The following APLP2 variants were observed in gnomAD, a reference collection of about 807,000 sequenced individuals.
The protein encoded by APLP2 is CDEI box-binding protein.
In APLP2, 53 loss-of-function variants were observed where a neutral mutation model predicts 89.9. The ratio of observed to expected loss-of-function variants is 0.59; its 90% CI spans 0.47 to 0.74. The LOEUF (loss-of-function observed/expected upper bound fraction) is 0.74. Among genes scored for constraint, APLP2 ranks in the 30% least tolerant of loss-of-function variants. The probability of loss-of-function intolerance (pLI) is 0.00; values close to 1 mark genes in which losing one functional copy is unlikely to be tolerated. For synonymous variants in APLP2, 372 were observed against 348.6 expected, an observed-to-expected ratio of 1.07 and a Z score of -0.75; for missense variants, 973 against 975.9, an observed-to-expected ratio of 1.00 and a Z score of 0.04.
chr11:130,109,269 T>C, intron 1 of APLP2, 160 bp from the exon 2 acceptor site: 2 of 565,458 alleles, frequency 3.5e-6, no homozygotes, highest in Non-Finnish European at 5.5e-6. Flanking sequence ...AGTCACTTTT[T>C]ATTCTGTTCT....
chr11:130,102,947 G>C (rs952922162), intron 1 of APLP2, among the ~76,000 whole-genome samples: 1 of 152,196 alleles, frequency 6.6e-6, no homozygotes, highest in African/African-American at 2.4e-5. Flanking sequence ...AGCCTTAAAA[G>C]TGCTGCAGTA....
intron 1 of APLP2, among the ~76,000 whole-genome samples, chr11:130,085,280 T>C (rs1943927481): frequency 6.6e-6 from 1 of 152,016 alleles, no homozygotes; most frequent in Non-Finnish European, 1.5e-5. Flanking sequence ...CGAAACGCCG[T>C]CTCTACTAAA....
rs75552207 is a variant in APLP2, at chr11:130,136,532, T to C, written c.1837+817T>C. Among the ~76,000 whole-genome samples the C allele has an allele frequency of 8.3e-3, 1,270 of 152,210 alleles. 16 individuals are homozygous for C. Among genetic ancestry groups the C allele is most frequent in the African/African-American group, 0.029 (1,212 of 41,526 alleles). On this transcript the variant is annotated intron_variant, in intron 13 of 16. Coordinates refer to ENST00000338167, the MANE Select transcript of APLP2 (RefSeq NM_001142276.2). The stretch of plus-strand genomic sequence containing the variant: ...GGAGAGTCAGGGGTCGAATCCAAGC[T>C]GATCTGGTCCTGCAGTCACAGACCT...
intron 13 of APLP2, chr11:130,137,219 A>G (rs746338845): frequency 1.3e-6 from 2 of 1,595,286 alleles, no homozygotes; most frequent in Non-Finnish European, 1.7e-6. Context: ...CTTTTGTGCT[A>G]TTTTATTTTG....
chr11:130,128,984 G>A, intron 9 of APLP2, 64 bp from the exon 10 acceptor site: 1 of 1,553,124 alleles, frequency 6.4e-7, no homozygotes, highest in East Asian at 2.3e-5. Flanking sequence ...GGGGTCTCAG[G>A]GTGCTTGCTT....
At chr11:130,118,076 CAA>C (rs71061363) in intron 3 of APLP2, among the ~76,000 whole-genome samples, 23 of 94,454 alleles carry the variant, frequency 2.4e-4, no homozygotes, top group East Asian at 1.7e-3. Flanking sequence ...GACTCCATCT[CAA>C]AAAAAAAAAA....
At position 130,123,520 on chromosome 11, in the gene APLP2, C is replaced by G. The variant is rs1156915875; in HGVS notation, c.923-92C>G. 5 of 1,393,454 alleles carry G rather than the reference C, an allele frequency of 3.6e-6. No individual in the cohort carries two copies. Among genetic ancestry groups the G allele is most frequent in the Non-Finnish European group, 4.9e-6 (5 of 1,026,174 alleles). The allele number at this position is 1,393,454 out of a possible 1,614,324, so 86.3% of individuals were successfully genotyped here. ...GCTCCGTCCAGTCTCAGGCCTCCCC[C>G]AGCCCATCCCCCAGCTCGCCAGCCT... is the stretch of plus-strand genomic sequence containing the variant. On this transcript the variant is annotated intron_variant, in intron 6 of 16. Transcript: ENST00000338167. This position sits in a 1 kb window ranked among gnomAD's most constrained non-coding sequence, Gnocchi z 4.0.
At chr11:130,085,102 A>G (rs11532037) in intron 1 of APLP2, among the ~76,000 whole-genome samples, 15,350 of 152,286 alleles carry the variant, frequency 0.1, 1,185 homozygotes, top group African/African-American at 0.21. Flanking sequence ...TCATGAAGAA[A>G]TAGAAAACTT....
At chr11:130,080,846 G>A (rs1012418128) in intron 1 of APLP2, among the ~76,000 whole-genome samples, 48 of 151,378 alleles carry the variant, frequency 3.2e-4, no homozygotes, top group African/African-American at 1.1e-3. Context: ...ACAGGTGCCC[G>A]CCACCGTGCC....
chr11:130,091,242 G>A (rs1321347270), intron 1 of APLP2, among the ~76,000 whole-genome samples: 68 of 126,402 alleles, frequency 5.4e-4, no homozygotes, highest in Non-Finnish European at 6.7e-4. Flanking sequence ...CCTCCCTCCC[G>A]CACGGGGCGG....
intron 3 of APLP2, among the ~76,000 whole-genome samples, chr11:130,119,452 G>A (rs769316834): frequency 6.0e-4 from 92 of 152,256 alleles, no homozygotes; most frequent in Admixed American, 9.8e-4. Context: ...AAGAGACGAT[G>A]ATACCGTTCA....
intron 1 of APLP2, among the ~76,000 whole-genome samples, chr11:130,090,269 A>T (rs4466843): frequency 0.13 from 10,316 of 82,130 alleles, 896 homozygotes; most frequent in African/African-American, 0.36. Flanking sequence ...TTTTTTTTTT[A>T]AATTTATTTT....
chr11:130,121,577 G>A (rs767371773), intron 4 of APLP2, 37 bp from the exon 5 acceptor site: 26 of 1,577,204 alleles, frequency 1.6e-5, no homozygotes, highest in Non-Finnish European at 2.2e-5. Flanking sequence ...CGTTTACTCT[G>A]GAGTATGTTC....
At chr11:130,115,914 A>G (rs1161714823) in intron 3 of APLP2, among the ~76,000 whole-genome samples, 1 of 152,212 alleles carries the variant, frequency 6.6e-6, no homozygotes, top group Non-Finnish European at 1.5e-5. Context: ...CATTGGGGGA[A>G]GGGGACAAAA....
rs750462590 is a variant in APLP2 at position 130,133,713 on chromosome 11, A to G, written c.1669A>G (p.Ile557Val). 3.1e-6 allele frequency: 5 copies of G among 1,613,806 alleles called. 1 individual carries two copies. In the South Asian group the frequency reaches 5.5e-5, roughly 18 times the overall value. Residue 557 changes from isoleucine (I) to valine (V), a missense_variant, in exon 12 of 17, where the codon ATT becomes GTT. By Grantham distance (29) the Ile-to-Val change is conservative. Coordinates refer to ENST00000338167, the MANE Select transcript of APLP2 (RefSeq NM_001142276.2). ...CAAAGTACCTTATGTAGCCCAAGAA[A>G]TTCAAGAGGAAATTGGTGGGTACCA... ...LYKVPYVAQE[I>V]QEEIDELLQE...
intron 1 of APLP2, among the ~76,000 whole-genome samples, chr11:130,096,807 T>C (rs573181621): frequency 6.6e-6 from 1 of 152,358 alleles, no homozygotes; most frequent in South Asian, 2.1e-4. Flanking sequence ...TTATTCATTC[T>C]TTTTACTCGA....
At chr11:130,109,799 C>T (rs771474650) in intron 2 of APLP2, 197 bp downstream of exon 2, 87 of 509,114 alleles carry the variant, frequency 1.7e-4, no homozygotes, top group Non-Finnish European at 2.5e-4. Context: ...GTTCTGTGAG[C>T]TCTCAGTTCT....
At position 130,141,746 on chromosome 11, in the gene APLP2, T is replaced by G. The variant is rs1277202222; in HGVS notation, c.1999-173T>G. ...CTAAAATTAAAATCTCCATGGAGAT[T>G]GGGAAGAGTGGGCGTTCTCCACCTG... On this transcript the variant is annotated intron_variant, in intron 15 of 16. Coordinates refer to ENST00000338167, the MANE Select transcript of APLP2 (RefSeq NM_001142276.2). This position sits in a 1 kb window ranked among gnomAD's most constrained non-coding sequence, Gnocchi z 4.2. 5.4e-6 allele frequency: 5 copies of G among 919,138 alleles called. No homozygotes were observed. In the African/African-American group the frequency reaches 8.4e-5, roughly 15 times the overall value. The allele number at this position is 919,138 out of a possible 1,614,324, so 56.9% of individuals were successfully genotyped here. A position where few individuals can be genotyped will look rare whatever the true frequency, so the allele number is the denominator to read the frequency against.
intron 3 of APLP2, among the ~76,000 whole-genome samples, chr11:130,112,875 A>G (rs1484938855): frequency 6.6e-6 from 1 of 152,212 alleles, no homozygotes; most frequent in Non-Finnish European, 1.5e-5. Flanking sequence ...TTTAGGTTTT[A>G]TCAGCATCGA....
Sources: gnomAD v4.1 joint callset for allele counts (sites outside exome capture counted in the v4.1 genomes callset) on GRCh38, gnomAD v4.1.1 for gene constraint, Gnocchi (gnomAD v3.1) non-coding constraint, MANE v1.5 for transcripts, NCBI Gene and HGNC (gene_info 2026-07-23, HGNC 2026-07-21) for gene names.